Variants in CHTOP observed in about 807,000 individuals in gnomAD.
The protein encoded by CHTOP is chromatin target of PRMT1, also known as chromatin target of PRMT1 protein.
A neutral mutation model predicts 33.6 loss-of-function variants in CHTOP; 18 were observed. The ratio of observed to expected loss-of-function variants is 0.54; its 90% CI spans 0.37 to 0.80. The LOEUF is 0.80. Among genes scored for constraint, CHTOP ranks in the 30% least tolerant of loss-of-function variants. The pLI is 0.00. For synonymous variants in CHTOP, 117 were observed against 127.7 expected (o/e 0.92, Z 0.56); for missense variants, 263 against 336.8 (o/e 0.78, Z 1.71).
At chr1:153,644,984 C>A in intron 5 of CHTOP, 80 bp from the exon 6 acceptor site, 1 of 1,334,064 alleles carries the variant, frequency 7.5e-7, no homozygotes, top group Non-Finnish European at 1.0e-6. Context: ...GGCCCCACTG[C>A]TCTAAGGGGC....
rs1180438380 is a variant in CHTOP at position 153,643,022 on chromosome 1, A to G, written c.404-205A>G. The G allele has an allele frequency of 8.2e-6, 5 of 612,224 alleles. No individual in the cohort carries two copies. In the East Asian group the frequency reaches 1.1e-4, roughly 14 times the overall value. The allele number at this position is 612,224 out of a possible 1,614,324, so 37.9% of individuals were successfully genotyped here. A position where few individuals can be genotyped will look rare whatever the true frequency, so the allele number is the denominator to read the frequency against. On this transcript the variant is annotated intron_variant, in intron 4 of 5. Transcript: ENST00000368694. Reference sequence around the variant, plus strand: ...TACTTACTAATTGAATTAACTCCCAACTTCCAAAAATGGATTTGTGGTCAG... The same window carrying G: ...TACTTACTAATTGAATTAACTCCCAGCTTCCAAAAATGGATTTGTGGTCAG...
chr1:153,643,167 A>T, intron 4 of CHTOP, 60 bp from the exon 5 acceptor site: 1 of 1,604,634 alleles, frequency 6.2e-7, no homozygotes, highest in Non-Finnish European at 8.5e-7. Context: ...TCCTTTGGTT[A>T]GAATCTACTT....
intron 3 of CHTOP, chr1:153,639,577 A>G (rs2274740): frequency 0.57 from 93,497 of 165,082 alleles, 26,978 homozygotes; most frequent in East Asian, 0.7. Flanking sequence ...TGCTTCGGCT[A>G]CCTTAAGCCT....
At chr1:153,635,788 C>G (rs1204610390) in intron 1 of CHTOP, among the ~76,000 whole-genome samples, 1 of 151,236 alleles carries the variant, frequency 6.6e-6, no homozygotes, top group African/African-American at 2.4e-5. Flanking sequence ...CGCCTCTGCA[C>G]TCCAGCCTGG....
At chr1:153,639,834 C>T (rs1199768151) in intron 3 of CHTOP, among the ~76,000 whole-genome samples, 1 of 152,186 alleles carries the variant, frequency 6.6e-6, no homozygotes, top group Non-Finnish European at 1.5e-5. Context: ...CTCTGTCACC[C>T]AGGCTGTAGT....
At chr1:153,639,028 C>T (rs927971879) in intron 3 of CHTOP, among the ~76,000 whole-genome samples, 2 of 152,004 alleles carry the variant, frequency 1.3e-5, no homozygotes, top group East Asian at 1.9e-4. Flanking sequence ...CTAAAGGTGC[C>T]CGCCACCACA....
At position 153,645,403 on chromosome 1, in the gene CHTOP, A is replaced by G. The variant is rs1668778171; in HGVS notation, c.*134A>G. ...ATAGGCTGTGGACTTACTTGCCACCAGCTTGTGCATTTAGTGTGTTCCTTT... is the reference window on the plus strand; with the variant it reads ...ATAGGCTGTGGACTTACTTGCCACCGGCTTGTGCATTTAGTGTGTTCCTTT... On this transcript the variant is annotated 3_prime_UTR_variant, in exon 6 of 6. Coordinates refer to ENST00000368694, the MANE Select transcript of CHTOP (RefSeq NM_015607.4). 1 of 761,478 alleles carries G rather than the reference A, an allele frequency of 1.3e-6. No homozygotes were observed. The highest frequency in any genetic ancestry group is 1.8e-5 in the South Asian group (1 of 55,466). 47.2% of individuals were successfully genotyped at this position (761,478 alleles called of 1,614,324 possible). A position where few individuals can be genotyped will look rare whatever the true frequency, so the allele number is the denominator to read the frequency against.
At chr1:153,643,637 C>A (rs1033464298) in intron 5 of CHTOP, 2 of 286,500 alleles carry the variant, frequency 7.0e-6, no homozygotes, top group Non-Finnish European at 1.3e-5. Flanking sequence ...GTTGAAAATA[C>A]CCCCCAAAAT....
chr1:153,645,505 G>T lies in CHTOP; in HGVS notation c.*236G>T. ...TTTGTTTTTGTTTTTTTAGGGGGGA[G>T]GGGGGGTTTCCCCTCCTTTGCCCAG... On this transcript the variant is annotated 3_prime_UTR_variant, in exon 6 of 6. Transcript: ENST00000368694. The T allele has an allele frequency of 2.2e-6, 1 of 444,672 alleles. No individual in the cohort carries two copies. The highest frequency in any genetic ancestry group is 4.0e-6 in the Non-Finnish European group (1 of 247,210). The allele number at this position is 444,672 out of a possible 1,614,324, so 27.5% of individuals were successfully genotyped here.
intron 3 of CHTOP, chr1:153,639,352 T>C (rs1668531331): frequency 2.4e-6 from 2 of 841,616 alleles, no homozygotes; most frequent in Non-Finnish European, 2.9e-6. Context: ...TAAAACCTGC[T>C]CTTTATTATT....
At chr1:153,637,373 GGC>G (rs1208104728) in intron 2 of CHTOP, 1 of 152,234 alleles carries the variant, frequency 6.6e-6, no homozygotes, top group Non-Finnish European at 1.5e-5. Context: ...CCTTTGTTTA[GGC>G]GCGGTGGCTC....
chr1:153,645,853 C>T lies in CHTOP; in HGVS notation c.*584C>T. On this transcript the variant is annotated 3_prime_UTR_variant, in exon 6 of 6. Coordinates refer to ENST00000368694, the MANE Select transcript of CHTOP (RefSeq NM_015607.4). ...CACTACAGGGCAGCATAAGAGGTTGCTTACATGTGGTAGCAGCTCTGGTTT... is the reference window on the plus strand; with the variant it reads ...CACTACAGGGCAGCATAAGAGGTTGTTTACATGTGGTAGCAGCTCTGGTTT... 6.5e-6 allele frequency: 1 copy of T among 153,058 alleles called. No homozygotes were observed. The highest frequency in any genetic ancestry group is 1.9e-4 in the East Asian group (1 of 5,206). The allele number at this position is 153,058 out of a possible 1,614,324, so 9.5% of individuals were successfully genotyped here.
At chr1:153,642,078 C>A (rs1422690350) in intron 3 of CHTOP, among the ~76,000 whole-genome samples, 168 bp from the exon 4 acceptor site, 1 of 152,190 alleles carries the variant, frequency 6.6e-6, no homozygotes, top group Non-Finnish European at 1.5e-5. Flanking sequence ...ATAACATGTT[C>A]TGAGGCAAAG....
At position 153,642,305 on chromosome 1, in the gene CHTOP, G is replaced by C. The variant is rs200392950; in HGVS notation, c.279G>C (p.Gly93=). ...NIQARLGRPI[G]ALARGAIGGR... ...AGGCACGGTTAGGCCGACCCATAGG[G>C]GCCCTGGCCAGGGGAGCAATCGGAG... Residue 93 remains glycine, a synonymous_variant, in exon 4 of 6, where the codon GGG becomes GGC. Transcript: ENST00000368694. The C allele has an allele frequency of 6.2e-7, 1 of 1,614,172 alleles. No homozygotes were observed. The highest frequency in any genetic ancestry group is 1.7e-5 in the Admixed American group (1 of 60,022).
At chr1:153,635,382 G>A (rs190153918) in intron 1 of CHTOP, among the ~76,000 whole-genome samples, 1,456 of 140,008 alleles carry the variant, frequency 0.01, 9 homozygotes, top group Non-Finnish European at 0.016. Flanking sequence ...GAGCTCCAGG[G>A]CTCAAGCATT....
At position 153,634,251 on chromosome 1, in the gene CHTOP, C is replaced by T. The variant is rs565111095; in HGVS notation, c.-110C>T. ...CCGCCCATCTAGCTAACCCGAGCCC[C>T]TCCACCGTCAACTCAGGTTCGGCCG... On this transcript the variant is annotated 5_prime_UTR_variant, in exon 1 of 6. Coordinates refer to ENST00000368694, the MANE Select transcript of CHTOP (RefSeq NM_015607.4). 1 of 152,920 alleles carries T rather than the reference C, an allele frequency of 6.5e-6. No homozygotes were observed. The allele number at this position is 152,920 out of a possible 1,614,324, so 9.5% of individuals were successfully genotyped here.
rs766715967 is a variant in CHTOP at position 153,642,362 on chromosome 1, G to A, written c.336G>A (p.Leu112=). ...GCCTACCCATAATCCAGAGAGGCTT[G>A]CCCAGAGGAGGACTACGTGGGGGAC... ...GRGLPIIQRG[L]PRGGLRGGRA... Residue 112 remains leucine (L), a synonymous_variant, in exon 4 of 6, where the codon TTG becomes TTA. Coordinates refer to ENST00000368694, the MANE Select transcript of CHTOP (RefSeq NM_015607.4). 1 of 1,614,050 alleles carries A rather than the reference G, an allele frequency of 6.2e-7. No homozygotes were observed. The highest frequency in any genetic ancestry group is 1.3e-5 in the African/African-American group (1 of 74,944).
intron 2 of CHTOP, chr1:153,638,041 T>C: frequency 6.4e-6 from 3 of 469,196 alleles, no homozygotes; most frequent in Non-Finnish European, 1.2e-5. Flanking sequence ...TCCACCTCTC[T>C]AAAAGCCGTT....
At chr1:153,641,049 C>T (rs953791255) in intron 3 of CHTOP, among the ~76,000 whole-genome samples, 1 of 152,190 alleles carries the variant, frequency 6.6e-6, no homozygotes, top group Non-Finnish European at 1.5e-5. Context: ...GTGTGTTAAT[C>T]GGGAGTAACA....
Sources: gnomAD v4.1 joint callset for allele counts (sites outside exome capture counted in the v4.1 genomes callset) on GRCh38, gnomAD v4.1.1 for gene constraint, MANE v1.5 for transcripts, NCBI Gene and HGNC (gene_info 2026-07-23, HGNC 2026-07-21) for gene names.